FHIT: variants seen among roughly 807,000 people sequenced by gnomAD.
FHIT encodes fragile histidine triad diadenosine triphosphatase.
FHIT carries 19 observed loss-of-function variants against 17.9 expected under a neutral mutation model. That is an observed-to-expected ratio of 1.06 (90% CI 0.74 to 1.56). The LOEUF (loss-of-function observed/expected upper bound fraction) is 1.56, where lower values mean the gene tolerates loss of function less well. Ranked by LOEUF, FHIT falls within the 40% of genes most tolerant of loss-of-function variation. The pLI, the probability that FHIT is intolerant of heterozygous loss-of-function variation, is 0.00. For missense variants in FHIT, 248 were observed against 189.2 expected (o/e 1.31, Z -1.82); for synonymous variants, 81 against 69.7 (o/e 1.16, Z -0.81).
chr3:61,218,332 C>G (rs2039743138), intron 1 of FHIT, among the ~76,000 whole-genome samples: 2 of 152,134 alleles, frequency 1.3e-5, no homozygotes, highest in South Asian at 4.2e-4. Context: ...AATATAAATA[C>G]TAAAAAAAGC....
intron 5 of FHIT, among the ~76,000 whole-genome samples, chr3:60,244,299 G>A (rs1020314273): frequency 6.6e-6 from 1 of 151,954 alleles, no homozygotes; most frequent in Non-Finnish European, 1.5e-5. Context: ...ATAAATGTAT[G>A]GGGGGAGGGA....
intron 5 of FHIT, among the ~76,000 whole-genome samples, chr3:60,352,445 T>C (rs1472269738): frequency 6.6e-6 from 1 of 152,196 alleles, no homozygotes; most frequent in Non-Finnish European, 1.5e-5. Flanking sequence ...AAGCAGCATG[T>C]GTATATTAAC....
At chr3:60,549,580 T>C (rs994061430) in intron 4 of FHIT, among the ~76,000 whole-genome samples, 7 of 152,162 alleles carry the variant, frequency 4.6e-5, no homozygotes, top group African/African-American at 1.7e-4. Flanking sequence ...TATCCAACGG[T>C]TGTATAGAAA....
chr3:59,845,743 T>C (rs1337154911), intron 8 of FHIT, among the ~76,000 whole-genome samples: 1 of 152,172 alleles, frequency 6.6e-6, no homozygotes, highest in Non-Finnish European at 1.5e-5. Context: ...GAAGAATGTG[T>C]ATGCTGTTGT....
intron 4 of FHIT, among the ~76,000 whole-genome samples, chr3:60,675,220 T>G (rs2040594357): frequency 6.6e-6 from 1 of 152,238 alleles, no homozygotes; most frequent in African/African-American, 2.4e-5. Context: ...TACCAGTTAC[T>G]TCATTGTGGC....
intron 5 of FHIT, among the ~76,000 whole-genome samples, chr3:60,222,167 T>G (rs1703993210): frequency 6.6e-6 from 1 of 152,188 alleles, no homozygotes; most frequent in Admixed American, 6.5e-5. Flanking sequence ...TCTTTGAAAT[T>G]CCATCTAACA....
At chr3:60,313,096 A>G (rs535393894) in intron 5 of FHIT, among the ~76,000 whole-genome samples, 2 of 152,166 alleles carry the variant, frequency 1.3e-5, no homozygotes, top group Non-Finnish European at 2.9e-5. Context: ...ACAGATTAGC[A>G]TCCAGCCAAT....
intron 3 of FHIT, among the ~76,000 whole-genome samples, chr3:61,036,916 TTGTTTG>T (rs765456921): frequency 7.2e-6 from 1 of 139,848 alleles, no homozygotes; most frequent in African/African-American, 2.8e-5. Flanking sequence ...TTTTTTTTGT[TTGTTTG>T]TTTTTTTGAG....
intron 5 of FHIT, among the ~76,000 whole-genome samples, chr3:60,246,382 AG>A (rs1705396944): frequency 6.6e-6 from 1 of 152,086 alleles, no homozygotes; most frequent in South Asian, 2.1e-4. Context: ...AGGAAGGGGA[AG>A]GGTCTCTCTT....
intron 2 of FHIT, among the ~76,000 whole-genome samples, chr3:61,092,162 C>T (rs1350860046): frequency 5.3e-5 from 8 of 151,706 alleles, no homozygotes; most frequent in Admixed American, 5.3e-4. Context: ...GGTCACATGA[C>T]CACTGCTTGG....
chr3:60,565,740 T>A (rs373271346), intron 4 of FHIT, among the ~76,000 whole-genome samples: 1 of 152,224 alleles, frequency 6.6e-6, no homozygotes, highest in East Asian at 1.9e-4. Flanking sequence ...TTTTGAAGGG[T>A]TTTTTGTGTC....
intron 8 of FHIT, among the ~76,000 whole-genome samples, chr3:59,788,015 T>C (rs1699387152): frequency 6.6e-6 from 1 of 152,190 alleles, no homozygotes; most frequent in Non-Finnish European, 1.5e-5. Flanking sequence ...AAGAACAAAG[T>C]AGGCTGGTTT....
chr3:60,658,476 G>A (rs1395199999), intron 4 of FHIT, among the ~76,000 whole-genome samples: 1 of 151,622 alleles, frequency 6.6e-6, no homozygotes, highest in Non-Finnish European at 1.5e-5. Flanking sequence ...GTTACCACAG[G>A]GATTATATTT....
rs568610463 is a variant in FHIT at position 60,105,082 on chromosome 3, T to C, written c.104-90930A>G. 1.1e-4 allele frequency among the ~76,000 whole-genome samples: 17 copies of C among 152,304 alleles called. No homozygotes were observed. The South Asian group carries it at 2.1e-3, about 19-fold the overall frequency. ...CCGTTCACACTTGTACTGTAGAGCA[T>C]TGCAATTTTTAATTAAGATCACTCA... On this transcript the variant is annotated intron_variant, in intron 5 of 9. Coordinates refer to ENST00000492590, the MANE Select transcript of FHIT (RefSeq NM_002012.4).
chr3:60,431,133 C>A (rs1381967561), intron 5 of FHIT, among the ~76,000 whole-genome samples: 3 of 151,722 alleles, frequency 2.0e-5, no homozygotes, highest in Non-Finnish European at 4.4e-5. Context: ...ATAGCTTGAA[C>A]TCTGGAGGCA....
At chr3:60,675,359 G>T (rs1315825336) in intron 4 of FHIT, among the ~76,000 whole-genome samples, 6 of 152,174 alleles carry the variant, frequency 3.9e-5, no homozygotes, top group African/African-American at 1.4e-4. Flanking sequence ...AGTTGCCGAG[G>T]CTTCCTGCTC....
intron 7 of FHIT, among the ~76,000 whole-genome samples, chr3:59,952,328 T>C (rs1044769408): frequency 3.9e-5 from 6 of 152,176 alleles, no homozygotes; most frequent in Non-Finnish European, 5.9e-5. Context: ...TAGGTGGCCA[T>C]TGCACCACCA....
At chr3:59,992,973 A>T (rs1330147564) in intron 7 of FHIT, among the ~76,000 whole-genome samples, 2 of 152,108 alleles carry the variant, frequency 1.3e-5, no homozygotes, top group Admixed American at 6.6e-5. Context: ...TTCTACCCGT[A>T]AGAAGTCCAG....
intron 5 of FHIT, among the ~76,000 whole-genome samples, chr3:60,507,811 A>C (rs558696311): frequency 6.6e-6 from 1 of 152,166 alleles, no homozygotes; most frequent in Non-Finnish European, 1.5e-5. Context: ...TGCTAAAGAC[A>C]ATGGCCTCCA....
Sources: allele counts gnomAD v4.1 joint callset (sites outside exome capture counted in the v4.1 genomes callset), GRCh38; gene constraint gnomAD v4.1.1; transcripts MANE v1.5; gene names NCBI Gene and HGNC (gene_info 2026-07-23, HGNC 2026-07-21).